Variants in WWOX observed in about 807,000 individuals in gnomAD.
WWOX encodes WW domain containing oxidoreductase, also known as WW domain-containing oxidoreductase.
A neutral mutation model predicts 46.2 loss-of-function variants in WWOX; 69 were observed. The observed-to-expected ratio is 1.49, with a 90% CI of 1.23 to 1.82. WWOX has a LOEUF of 1.82. Among genes scored for constraint, WWOX ranks in the 40% most tolerant of loss-of-function variants. The probability of loss-of-function intolerance (pLI) is 0.00; values close to 1 mark genes in which losing one functional copy is unlikely to be tolerated. For synonymous variants in WWOX, 359 were observed against 202.6 expected, an observed-to-expected ratio of 1.77 and a Z score of -6.56; for missense variants, 919 against 542.6, an observed-to-expected ratio of 1.69 and a Z score of -6.89.
chr16:78,924,615 C>T (rs929390173), intron 8 of WWOX, among the ~76,000 whole-genome samples: 9 of 152,132 alleles, frequency 5.9e-5, no homozygotes, highest in Non-Finnish European at 1.3e-4. Flanking sequence ...ATATCAGAGT[C>T]CTTTTGACTG....
At chr16:78,611,555 C>G (rs752292669) in intron 8 of WWOX, among the ~76,000 whole-genome samples, 14 of 152,184 alleles carry the variant, frequency 9.2e-5, no homozygotes, top group Non-Finnish European at 1.5e-4. Context: ...ATGGCCAGTA[C>G]TGCCCTAAGC....
At chr16:78,837,089 T>C (rs2151164468) in intron 8 of WWOX, among the ~76,000 whole-genome samples, 1 of 151,938 alleles carries the variant, frequency 6.6e-6, no homozygotes, top group African/African-American at 2.4e-5. Context: ...GGCCCTTTGC[T>C]GCTTAGGGAG....
intron 5 of WWOX, among the ~76,000 whole-genome samples, chr16:78,206,186 T>C (rs1246453024): frequency 6.6e-6 from 1 of 152,144 alleles, no homozygotes; most frequent in African/African-American, 2.4e-5. Flanking sequence ...AGATATAGTA[T>C]GATATAATAA....
At chr16:78,473,713 C>T (rs2084287084) in intron 8 of WWOX, among the ~76,000 whole-genome samples, 1 of 152,004 alleles carries the variant, frequency 6.6e-6, no homozygotes, top group African/African-American at 2.4e-5. Flanking sequence ...TGCCTGTGTA[C>T]CCTACTCTTT....
chr16:79,119,358 A>G (rs2049581521), intron 8 of WWOX, among the ~76,000 whole-genome samples: 2 of 152,210 alleles, frequency 1.3e-5, no homozygotes, highest in Non-Finnish European at 2.9e-5. Context: ...GTTTCGTTAT[A>G]TTAATGGATG....
Position 78,386,868 on chromosome 16 carries a change from C to A in WWOX, c.525C>A (p.Ala175=). The change falls in exon 6 of 9, where the codon GCC becomes GCA. Residue 175 remains alanine, a synonymous_variant. Transcript: ENST00000566780. ...VSRILEEWHK[A]KVEAMTLDLA... ...ATTTTCTCTCATTGCAGCATAAAGC[C>A]AAGGTAGAAGCAATGACCCTGGACC... The A allele has an allele frequency of 6.2e-7, 1 of 1,613,908 alleles. No individual in the cohort carries two copies. Among genetic ancestry groups the A allele is most frequent in the Non-Finnish European group, 8.5e-7 (1 of 1,179,892 alleles).
chr16:78,699,478 G>A (rs890362359), intron 8 of WWOX, among the ~76,000 whole-genome samples: 32 of 152,138 alleles, frequency 2.1e-4, no homozygotes, highest in African/African-American at 7.5e-4. Context: ...GGCAGAGGTT[G>A]CAGTGAGCTG....
intron 8 of WWOX, among the ~76,000 whole-genome samples, chr16:78,519,017 A>G (rs2043294907): frequency 6.6e-6 from 1 of 152,198 alleles, no homozygotes; most frequent in Non-Finnish European, 1.5e-5. Flanking sequence ...GCAAGTGGAT[A>G]GGTCTAGTTT....
At chr16:78,480,315 A>G (rs982389966) in intron 8 of WWOX, among the ~76,000 whole-genome samples, 1 of 152,210 alleles carries the variant, frequency 6.6e-6, no homozygotes, top group Admixed American at 6.5e-5. Flanking sequence ...ATTAGTCCCC[A>G]AAGTGTGAAG....
At chr16:78,757,744 C>T (rs2049690919) in intron 8 of WWOX, among the ~76,000 whole-genome samples, 1 of 151,248 alleles carries the variant, frequency 6.6e-6, no homozygotes, top group Admixed American at 6.6e-5. Flanking sequence ...AATAAATTTT[C>T]CTATAAATAA....
chr16:78,706,526 C>G (rs894977747), intron 8 of WWOX, among the ~76,000 whole-genome samples: 1 of 152,160 alleles, frequency 6.6e-6, no homozygotes, highest in East Asian at 1.9e-4. Flanking sequence ...TATATTCTTT[C>G]ATTCGTCAAC....
At chr16:78,689,802 C>A (rs976399514) in intron 8 of WWOX, among the ~76,000 whole-genome samples, 2 of 152,136 alleles carry the variant, frequency 1.3e-5, no homozygotes, top group South Asian at 4.1e-4. Context: ...TTGAAATAAT[C>A]CTGCATAAAG....
chr16:78,744,422 CTTTTTT>C lies in WWOX; in HGVS notation c.1056+311692_1056+311697del, dbSNP rs976073233. The stretch of plus-strand genomic sequence containing the variant: ...TAGGAAGGGCCCATGGTCCACACTG[CTTTTTT>C]TTTTTTTTTTTTTTTTTTTTTGAAA... On this transcript the variant is annotated intron_variant, in intron 8 of 8. Transcript: ENST00000566780. 6.3e-4 allele frequency among the ~76,000 whole-genome samples: 52 copies of C among 82,254 alleles called. 1 individual carries two copies. The highest frequency in any genetic ancestry group is 2.2e-3 in the Admixed American group (17 of 7,558). 54.0% of individuals were successfully genotyped at this position (82,254 alleles called of 152,430 possible). A position where few individuals can be genotyped will look rare whatever the true frequency, so the allele number is the denominator to read the frequency against.
chr16:78,833,714 C>G (rs2051895962), intron 8 of WWOX, among the ~76,000 whole-genome samples: 1 of 152,208 alleles, frequency 6.6e-6, no homozygotes, highest in South Asian at 2.1e-4. Context: ...ATGCTGTTAC[C>G]TCAGCATCCT....
Position 78,858,964 on chromosome 16 carries a change from C to T in WWOX, c.1057-352644C>T, listed in dbSNP as rs541691961. On this transcript the variant is annotated intron_variant, in intron 8 of 8. Transcript: ENST00000566780. The stretch of plus-strand genomic sequence containing the variant: ...AAAGTGCTGGGATTACAGGTGTGAG[C>T]CACCACGGCTGGCCAATATCTACTA... Among the ~76,000 whole-genome samples, 4 of 135,996 alleles carry T rather than the reference C, an allele frequency of 2.9e-5. No homozygotes were observed. The East Asian group carries it at 6.7e-4, about 23-fold the overall frequency. 89.2% of individuals were successfully genotyped at this position (135,996 alleles called of 152,430 possible).
chr16:78,642,397 GTCTC>G (rs2046741073), intron 8 of WWOX, among the ~76,000 whole-genome samples: 1 of 152,104 alleles, frequency 6.6e-6, no homozygotes, highest in African/African-American at 2.4e-5. Flanking sequence ...TTTGCTCAAA[GTCTC>G]TCTCCTTGCT....
intron 8 of WWOX, among the ~76,000 whole-genome samples, chr16:78,837,270 T>C (rs996421092): frequency 3.9e-5 from 6 of 152,174 alleles, no homozygotes; most frequent in African/African-American, 1.4e-4. Context: ...GAGATTACCT[T>C]TCAACGCGAG....
chr16:78,415,166 G>A (rs1449651739), intron 6 of WWOX, among the ~76,000 whole-genome samples: 1 of 150,996 alleles, frequency 6.6e-6, no homozygotes, highest in Non-Finnish European at 1.5e-5. Flanking sequence ...AGTTTTCACG[G>A]AAAGGGGTAG....
At chr16:78,286,500 C>T (rs1402085855) in intron 5 of WWOX, among the ~76,000 whole-genome samples, 1 of 152,136 alleles carries the variant, frequency 6.6e-6, no homozygotes, top group Non-Finnish European at 1.5e-5. Flanking sequence ...ACATTTCTCT[C>T]ATCTCTTGTG....
Sources: gnomAD v4.1 joint callset for allele counts (sites outside exome capture counted in the v4.1 genomes callset) on GRCh38, gnomAD v4.1.1 for gene constraint, MANE v1.5 for transcripts, NCBI Gene and HGNC (gene_info 2026-07-23, HGNC 2026-07-21) for gene names.